Variants in SETBP1 observed in about 807,000 individuals in gnomAD.
SETBP1 encodes the protein SET-binding protein.
Under a neutral mutation model 101.0 loss-of-function variants are expected in SETBP1, and 9 were observed. That is an observed-to-expected ratio of 0.09 (90% CI 0.05 to 0.16). The LOEUF is 0.16. SETBP1 is among the 10% of genes least tolerant of loss of function. The pLI is 1.00. For synonymous variants in SETBP1, 818 were observed against 788.5 expected (o/e 1.04, Z -0.63); for missense variants, 1,858 against 2,033.8 (o/e 0.91, Z 1.66).
At chr18:44,888,252 G>C (rs1011880131) in intron 3 of SETBP1, among the ~76,000 whole-genome samples, 3 of 151,986 alleles carry the variant, frequency 2.0e-5, no homozygotes, top group Non-Finnish European at 2.9e-5. Flanking sequence ...CTCAAACCAA[G>C]GAATTTATCC....
chr18:44,901,051 G>T (rs1445593665), intron 3 of SETBP1, among the ~76,000 whole-genome samples: 1 of 152,188 alleles, frequency 6.6e-6, no homozygotes, highest in Non-Finnish European at 1.5e-5. Context: ...ACTACACATG[G>T]GTCTTTAATA....
chr18:44,919,632 G>A (rs2070530510), intron 3 of SETBP1, among the ~76,000 whole-genome samples: 1 of 151,954 alleles, frequency 6.6e-6, no homozygotes, highest in African/African-American at 2.4e-5. Flanking sequence ...ACAGGTATGA[G>A]CCACCATGCC....
At chr18:45,062,944 G>T in intron 5 of SETBP1, 135 bp from the exon 6 acceptor site, 1 of 1,111,228 alleles carries the variant, frequency 9.0e-7, no homozygotes, top group Non-Finnish European at 1.3e-6. Context: ...ATGCATCTTG[G>T]GCACGGAGAC....
At chr18:44,941,736 TA>T (rs772892380) in intron 3 of SETBP1, among the ~76,000 whole-genome samples, 6 of 152,158 alleles carry the variant, frequency 3.9e-5, no homozygotes, top group Admixed American at 6.5e-5. Context: ...TGCAATGTCC[TA>T]GAATCTGTTA....
chr18:44,929,966 C>A (rs952452527), intron 3 of SETBP1, among the ~76,000 whole-genome samples: 1 of 152,170 alleles, frequency 6.6e-6, no homozygotes, highest in East Asian at 1.9e-4. Flanking sequence ...GAACTTCCAA[C>A]ACTGTGTTGA....
chr18:44,913,666 G>A (rs1599313704), intron 3 of SETBP1, among the ~76,000 whole-genome samples: 1 of 152,300 alleles, frequency 6.6e-6, no homozygotes, highest in African/African-American at 2.4e-5. Context: ...TACCATTACC[G>A]GTCCAAACTG....
intron 3 of SETBP1, among the ~76,000 whole-genome samples, chr18:44,887,735 C>T (rs1201049989): frequency 6.6e-6 from 1 of 152,098 alleles, no homozygotes; most frequent in Non-Finnish European, 1.5e-5. Flanking sequence ...AATCCTCAGG[C>T]CACAGACAAC....
chr18:44,791,326 C>T (rs887457386), intron 2 of SETBP1, among the ~76,000 whole-genome samples: 9 of 152,168 alleles, frequency 5.9e-5, no homozygotes, highest in African/African-American at 1.2e-4. Flanking sequence ...TTTCGGAAAA[C>T]CGTCCTAGTG....
intron 2 of SETBP1, among the ~76,000 whole-genome samples, chr18:44,859,457 C>T (rs139716974): frequency 6.6e-6 from 1 of 152,136 alleles, no homozygotes; most frequent in Non-Finnish European, 1.5e-5. Context: ...TCATGGATGG[C>T]TGAGACAGAG....
At chr18:45,026,133 C>T (rs762399464) in intron 4 of SETBP1, among the ~76,000 whole-genome samples, 11 of 152,174 alleles carry the variant, frequency 7.2e-5, no homozygotes, top group Non-Finnish European at 5.9e-5. Flanking sequence ...TTACTAAGTC[C>T]TTCACATTAG....
At chr18:44,822,400 G>A (rs932557006) in intron 2 of SETBP1, among the ~76,000 whole-genome samples, 3 of 152,130 alleles carry the variant, frequency 2.0e-5, no homozygotes, top group Non-Finnish European at 4.4e-5. Flanking sequence ...ATATTCATCA[G>A]TTTAAATTTG....
chr18:44,885,843 AAAAAAAAAAAAAAC>A (rs1411350639), intron 3 of SETBP1, among the ~76,000 whole-genome samples: 7 of 46,074 alleles, frequency 1.5e-4, no homozygotes, highest in Admixed American at 8.0e-4. Flanking sequence ...CCATTTCATT[AAAAAAAAAAAAAAC>A]AAAAAAAAAA....
At chr18:44,804,401 G>A (rs2071682332) in intron 2 of SETBP1, among the ~76,000 whole-genome samples, 1 of 152,094 alleles carries the variant, frequency 6.6e-6, no homozygotes, top group Non-Finnish European at 1.5e-5. Flanking sequence ...TTTTCCTGAA[G>A]AGATATGAAT....
chr18:44,835,274 C>T (rs1263585524), intron 2 of SETBP1, among the ~76,000 whole-genome samples: 1 of 152,024 alleles, frequency 6.6e-6, no homozygotes, highest in African/African-American at 2.4e-5. Flanking sequence ...CTCGAAGAGG[C>T]CCTTGGGTGC....
chr18:44,843,413 G>A (rs1223858966), intron 2 of SETBP1, among the ~76,000 whole-genome samples: 3 of 152,162 alleles, frequency 2.0e-5, no homozygotes, highest in South Asian at 2.1e-4. Flanking sequence ...AGTTCCTGCC[G>A]CTCCCCAGAT....
chr18:45,031,755 A>G (rs1041488844), intron 4 of SETBP1, among the ~76,000 whole-genome samples: 3 of 152,156 alleles, frequency 2.0e-5, no homozygotes, highest in Non-Finnish European at 4.4e-5. Context: ...AACTTTTACA[A>G]TTGCCTAGAA....
At chr18:44,912,045 AC>A (rs1251928598) in intron 3 of SETBP1, among the ~76,000 whole-genome samples, 1 of 152,096 alleles carries the variant, frequency 6.6e-6, no homozygotes, top group Non-Finnish European at 1.5e-5. Context: ...AGAAGTGAGA[AC>A]CTCCAGCAGG....
chr18:44,763,444 C>G (rs1364646114), intron 2 of SETBP1, among the ~76,000 whole-genome samples: 3 of 152,152 alleles, frequency 2.0e-5, no homozygotes, highest in Non-Finnish European at 2.9e-5. Flanking sequence ...TGGTGAGAAA[C>G]AGAGAGGCAA....
chr18:44,836,861 A>G (rs1443147071), intron 2 of SETBP1, among the ~76,000 whole-genome samples: 1 of 152,070 alleles, frequency 6.6e-6, no homozygotes, highest in Non-Finnish European at 1.5e-5. Context: ...AGGAACAAGG[A>G]CATCTTGTTA....
Sources: allele counts gnomAD v4.1 joint callset (sites outside exome capture counted in the v4.1 genomes callset), GRCh38; gene constraint gnomAD v4.1.1; transcripts MANE v1.5; gene names NCBI Gene and HGNC (gene_info 2026-07-23, HGNC 2026-07-21).